The following C1orf21 variants were observed in gnomAD, a reference collection of about 807,000 sequenced individuals.
C1orf21 encodes the protein uncharacterized protein C1orf21.
C1orf21 carries 3 observed loss-of-function variants against 18.7 expected under a neutral mutation model. The ratio of observed to expected loss-of-function variants is 0.16; its 90% CI spans 0.07 to 0.42. C1orf21 has a LOEUF of 0.42. C1orf21 is among the 10% of genes least tolerant of loss of function. The probability of loss-of-function intolerance (pLI) is 0.99; values close to 1 mark genes in which losing one functional copy is unlikely to be tolerated. For synonymous variants in C1orf21, 41 were observed against 46.4 expected, an observed-to-expected ratio of 0.88 and a Z score of 0.47; for missense variants, 104 against 143.6, an observed-to-expected ratio of 0.72 and a Z score of 1.41.
At chr1:184,427,440 T>TC in intron 1 of C1orf21, among the ~76,000 whole-genome samples, 1 of 152,224 alleles carries the variant, frequency 6.6e-6, no homozygotes, top group Admixed American at 6.5e-5. Context: ...GCTTTTTTTT[T>TC]CCCCCAATGA....
intron 1 of C1orf21, among the ~76,000 whole-genome samples, chr1:184,419,582 AC>A (rs1656512766): frequency 6.6e-6 from 1 of 152,150 alleles, no homozygotes; most frequent in Non-Finnish European, 1.5e-5. Context: ...CAGACAATAA[AC>A]AATACACACA....
intron 1 of C1orf21, among the ~76,000 whole-genome samples, chr1:184,417,009 A>G (rs1448411935): frequency 6.6e-6 from 1 of 152,206 alleles, no homozygotes; most frequent in East Asian, 1.9e-4. Flanking sequence ...TTTAGTGACA[A>G]GGACCTGAAT....
intron 3 of C1orf21, among the ~76,000 whole-genome samples, chr1:184,517,395 T>G (rs961029841): frequency 6.6e-6 from 1 of 152,196 alleles, no homozygotes; most frequent in Non-Finnish European, 1.5e-5. Flanking sequence ...AATGACTATT[T>G]ACCTTTGAGT....
At position 184,571,731 on chromosome 1, in the gene C1orf21, G is replaced by A. The variant is rs74134114; in HGVS notation, c.190-19008G>A. On this transcript the variant is annotated intron_variant, in intron 3 of 5. Coordinates refer to ENST00000235307, the MANE Select transcript of C1orf21 (RefSeq NM_030806.4). ...CAGACCTCTCTCATCATTAGATATT[G>A]GAACATAAGGGGGGAGTTTAAAAAT... 3.0e-3 allele frequency among the ~76,000 whole-genome samples: 452 copies of A among 152,240 alleles called. 4 individuals are homozygous for A. Among genetic ancestry groups the A allele is most frequent in the African/African-American group, 0.01 (436 of 41,526 alleles).
intron 1 of C1orf21, among the ~76,000 whole-genome samples, chr1:184,422,288 T>C (rs189029176): frequency 1.5e-3 from 229 of 152,346 alleles, no homozygotes; most frequent in Non-Finnish European, 2.1e-3. Context: ...AAGGCTTTGT[T>C]TGAAATGCTT....
chr1:184,558,340 T>A (rs1319650033), intron 3 of C1orf21, among the ~76,000 whole-genome samples: 1 of 152,224 alleles, frequency 6.6e-6, no homozygotes, highest in Non-Finnish European at 1.5e-5. Context: ...ATTTGTGTAA[T>A]GACTGCTAAT....
At chr1:184,449,398 C>G (rs1454122458) in intron 1 of C1orf21, among the ~76,000 whole-genome samples, 3 of 152,130 alleles carry the variant, frequency 2.0e-5, no homozygotes, top group Non-Finnish European at 4.4e-5. Flanking sequence ...TTTATGGCTG[C>G]ATAGTATTCC....
At chr1:184,606,113 C>G (rs1414908272) in intron 5 of C1orf21, among the ~76,000 whole-genome samples, 1 of 152,204 alleles carries the variant, frequency 6.6e-6, no homozygotes, top group Non-Finnish European at 1.5e-5. Context: ...TGAACACTTA[C>G]AGAGCCATTA....
At chr1:184,575,911 C>T (rs1659183094) in intron 3 of C1orf21, among the ~76,000 whole-genome samples, 1 of 151,802 alleles carries the variant, frequency 6.6e-6, no homozygotes, top group South Asian at 2.1e-4. Context: ...GCCTGTTGGG[C>T]CACAGAGGTG....
At chr1:184,588,552 G>A (rs1372170996) in intron 3 of C1orf21, among the ~76,000 whole-genome samples, 1 of 152,166 alleles carries the variant, frequency 6.6e-6, no homozygotes, top group African/African-American at 2.4e-5. Flanking sequence ...TCTCAGGTAA[G>A]TGCTTCACCG....
At chr1:184,440,773 G>A (rs959799417) in intron 1 of C1orf21, among the ~76,000 whole-genome samples, 1 of 152,082 alleles carries the variant, frequency 6.6e-6, no homozygotes, top group South Asian at 2.1e-4. Context: ...TATGTGTTAC[G>A]TATTCAACAC....
chr1:184,477,610 C>T lies in C1orf21; in HGVS notation c.94+7C>T. 1 of 1,612,084 alleles carries T rather than the reference C, an allele frequency of 6.2e-7. No homozygotes were observed. Among genetic ancestry groups the T allele is most frequent in the Non-Finnish European group, 8.5e-7 (1 of 1,178,606 alleles). On this transcript the variant is annotated splice_region_variant and intron_variant, in intron 2 of 5. Transcript: ENST00000235307. Reference sequence around the variant, plus strand: ...AACGGAGATGTGTTTGGCGGTGAGTCCTATCAAACTTGACTCTTGACCCAT... The same window carrying T: ...AACGGAGATGTGTTTGGCGGTGAGTTCTATCAAACTTGACTCTTGACCCAT...
chr1:184,396,193 A>G (rs1656048210), intron 1 of C1orf21, among the ~76,000 whole-genome samples: 1 of 152,218 alleles, frequency 6.6e-6, no homozygotes, highest in Non-Finnish European at 1.5e-5. Context: ...TTTGCCCACA[A>G]TATAAGCAGT....
At chr1:184,484,884 C>CTG (rs3034460) in intron 2 of C1orf21, among the ~76,000 whole-genome samples, 8,016 of 145,992 alleles carry the variant, frequency 0.055, 254 homozygotes, top group South Asian at 0.074. Flanking sequence ...ATGCTTGTGG[C>CTG]TGTGTGTGTG....
At chr1:184,414,444 C>T (rs977413479) in intron 1 of C1orf21, among the ~76,000 whole-genome samples, 3 of 152,010 alleles carry the variant, frequency 2.0e-5, no homozygotes, top group Admixed American at 2.0e-4. Context: ...GATTTTAGAC[C>T]CTGGGGAACC....
At chr1:184,566,700 CA>C (rs1659040149) in intron 3 of C1orf21, 4 of 378,414 alleles carry the variant, frequency 1.1e-5, no homozygotes, top group African/African-American at 2.2e-5. Context: ...TCAAAAAGGA[CA>C]AAAAAGTCAG....
At chr1:184,402,664 C>T (rs77847695) in intron 1 of C1orf21, among the ~76,000 whole-genome samples, 8 of 151,218 alleles carry the variant, frequency 5.3e-5, no homozygotes, top group Non-Finnish European at 8.8e-5. Context: ...TTGAGATGTG[C>T]CCCCCTTATA....
intron 1 of C1orf21, among the ~76,000 whole-genome samples, chr1:184,435,762 G>A (rs1368496184): frequency 1.3e-5 from 2 of 152,164 alleles, no homozygotes; most frequent in Non-Finnish European, 2.9e-5. Context: ...AACCAACTGA[G>A]GCAAAAGGAA....
chr1:184,410,029 T>G lies in C1orf21; in HGVS notation c.-125+22661T>G, dbSNP rs527381090. Among the ~76,000 whole-genome samples the G allele has an allele frequency of 1.1e-4, 17 of 152,350 alleles. No individual in the cohort carries two copies. In the South Asian group the frequency reaches 2.7e-3, roughly 24 times the overall value. ...CAGTAGGAAATGTATTTTTTTATTA[T>G]GAATTGAAATAAAGTGTCTGATCTT... On this transcript the variant is annotated intron_variant, in intron 1 of 5. Coordinates refer to ENST00000235307, the MANE Select transcript of C1orf21 (RefSeq NM_030806.4).
Sources: allele counts gnomAD v4.1 joint callset (sites outside exome capture counted in the v4.1 genomes callset), GRCh38; gene constraint gnomAD v4.1.1; transcripts MANE v1.5; gene names NCBI Gene and HGNC (gene_info 2026-07-23, HGNC 2026-07-21).